PCM1: variants seen among roughly 807,000 people sequenced by gnomAD.
PCM1 encodes the protein pericentriolar material 1.
In PCM1, 157 loss-of-function variants were observed where a neutral mutation model predicts 241.9. That is an observed-to-expected ratio of 0.65 (90% CI 0.57 to 0.74). The LOEUF is 0.74. PCM1 is among the 30% of genes least tolerant of loss of function. The pLI, the probability that PCM1 is intolerant of heterozygous loss-of-function variation, is 0.00. For missense variants in PCM1, 3,478 were observed against 2,360.1 expected (o/e 1.47, Z -9.81); for synonymous variants, 1,085 against 784.9 (o/e 1.38, Z -6.39).
At chr8:18,000,861 G>A (rs2089141110) in intron 29 of PCM1, among the ~76,000 whole-genome samples, 1 of 152,074 alleles carries the variant, frequency 6.6e-6, no homozygotes, top group South Asian at 2.1e-4. Flanking sequence ...CACCCGCCTG[G>A]GCCTCCCAAA....
intron 36 of PCM1, chr8:18,025,038 C>T (rs1347984845): frequency 1.4e-5 from 3 of 210,862 alleles, no homozygotes; most frequent in Non-Finnish European, 9.3e-6. Flanking sequence ...GTACAGCTCT[C>T]GTGTTCAGTA....
intron 29 of PCM1, among the ~76,000 whole-genome samples, chr8:18,000,797 A>G (rs2089099663): frequency 6.6e-6 from 1 of 151,924 alleles, no homozygotes. Flanking sequence ...TGCTTTTTGT[A>G]TTTTTAGTAG....
intron 5 of PCM1, 54 bp downstream of exon 5, chr8:17,939,063 C>G: frequency 6.3e-7 from 1 of 1,576,434 alleles, no homozygotes; most frequent in Non-Finnish European, 8.7e-7. Context: ...AAAATACCAA[C>G]AGTAAGGTTT....
chr8:17,933,450 A>G (rs2059590374), intron 2 of PCM1, among the ~76,000 whole-genome samples: 1 of 152,216 alleles, frequency 6.6e-6, no homozygotes, highest in Non-Finnish European at 1.5e-5. Flanking sequence ...TATTTTGTCA[A>G]GTTCTAAGGA....
chr8:17,963,353 C>G (rs1319768420), intron 17 of PCM1, 62 bp downstream of exon 17: 1 of 1,250,222 alleles, frequency 8.0e-7, no homozygotes, highest in Non-Finnish European at 1.1e-6. Flanking sequence ...GACCTGTAGG[C>G]TAGGCAGCCA....
At chr8:17,937,850 C>T (rs956081969) in intron 4 of PCM1, among the ~76,000 whole-genome samples, 1 of 152,054 alleles carries the variant, frequency 6.6e-6, no homozygotes, top group Non-Finnish European at 1.5e-5. Context: ...ATATTTTACT[C>T]TTAGATCTAT....
intron 16 of PCM1, among the ~76,000 whole-genome samples, chr8:17,962,735 C>T (rs997022345): frequency 6.6e-6 from 1 of 151,808 alleles, no homozygotes; most frequent in African/African-American, 2.4e-5. Flanking sequence ...CCTATCTCTA[C>T]TAAAAAATAC....
At chr8:17,958,480 AAC>A (rs1286718984) in intron 13 of PCM1, among the ~76,000 whole-genome samples, 4 of 152,130 alleles carry the variant, frequency 2.6e-5, no homozygotes, top group African/African-American at 4.8e-5. Flanking sequence ...CATAACTATT[AAC>A]ACAAAATATG....
Position 17,952,992 on chromosome 8 carries a change from G to C in PCM1, c.1094G>C (p.Arg365Thr). The C allele has an allele frequency of 6.3e-7, 1 of 1,599,184 alleles. No individual in the cohort carries two copies. The highest frequency in any genetic ancestry group is 2.2e-5 in the East Asian group (1 of 44,598). ...AAGCCTCCAGCTGTTCCAGACAATA[G>C]AAGACAGGCAGAAAGTCTTTCATTA... ...DSQPPAVPDNRRQAESLSLTR... is the reference protein window; with the variant it reads ...DSQPPAVPDNTRQAESLSLTR... Residue 365 changes from arginine to threonine, a missense_variant, in exon 9 of 39, where the codon AGA becomes ACA. Transcript: ENST00000325083.
chr8:17,990,683 A>G (rs1368029726), intron 27 of PCM1, among the ~76,000 whole-genome samples: 1 of 152,118 alleles, frequency 6.6e-6, no homozygotes, highest in Non-Finnish European at 1.5e-5. Flanking sequence ...TTTGCCATCC[A>G]GGGTGCTTAG....
chr8:17,954,191 G>C (rs2067143142), intron 9 of PCM1, among the ~76,000 whole-genome samples: 1 of 152,176 alleles, frequency 6.6e-6, no homozygotes. Context: ...ACCTTGGGAG[G>C]CTGAGGCGGG....
At chr8:18,018,847 T>C (rs1290768908) in intron 36 of PCM1, among the ~76,000 whole-genome samples, 1 of 62,266 alleles carries the variant, frequency 1.6e-5, no homozygotes, top group African/African-American at 5.9e-5. Flanking sequence ...TATGTGTGTG[T>C]GTGTGTATAT....
At chr8:17,990,920 T>C (rs1466946322) in intron 27 of PCM1, among the ~76,000 whole-genome samples, 3 of 152,142 alleles carry the variant, frequency 2.0e-5, no homozygotes, top group African/African-American at 7.2e-5. Context: ...TGGGTCTGCA[T>C]TGAGTTCATC....
At position 17,960,079 on chromosome 8, in the gene PCM1, A is replaced by G. The variant is rs753243769; in HGVS notation, c.2106A>G (p.Ala702=). The change falls in exon 14 of 39, where the codon GCA becomes GCG. Residue 702 remains alanine (A), a synonymous_variant. Transcript: ENST00000325083. ...CAAATTTGGATGATTTCTACCCAGC[A>G]GAAGAAGACACCAAGCAAAATTCAA... is the stretch of plus-strand genomic sequence containing the variant. ...SASNLDDFYP[A]EEDTKQNSNN... 1.2e-6 allele frequency: 2 copies of G among 1,611,112 alleles called. No individual in the cohort carries two copies. The highest frequency in any genetic ancestry group is 1.3e-5 in the African/African-American group (1 of 74,912).
chr8:17,951,559 A>G (rs1194529405), intron 8 of PCM1, among the ~76,000 whole-genome samples: 1 of 152,226 alleles, frequency 6.6e-6, no homozygotes, highest in African/African-American at 2.4e-5. Context: ...ATAGAGTGAA[A>G]TTCTTTATAG....
rs372278630 is a variant in PCM1 at position 17,955,515 on chromosome 8, C to G, written c.1334C>G (p.Ser445Cys). Residue 445 changes from serine to cysteine, a missense_variant, in exon 10 of 39, where the codon TCT becomes TGT. Ser to Cys is a moderately radical substitution (Grantham distance 112). Coordinates refer to ENST00000325083, the MANE Select transcript of PCM1 (RefSeq NM_006197.4). The stretch of plus-strand genomic sequence containing the variant: ...GATCAGAGAAGTACTTCAGCTCCCT[C>G]TGCTTCTGTAGGCTTGGCACCGGTT... ...SVDQRSTSAP[S>C]ASVGLAPVVN... is the part of the protein sequence containing the mutation. 5.0e-6 allele frequency: 8 copies of G among 1,613,610 alleles called. No individual in the cohort carries two copies. In the African/African-American group the frequency reaches 6.7e-5, roughly 13 times the overall value.
intron 36 of PCM1, among the ~76,000 whole-genome samples, chr8:18,022,370 A>G (rs141072200): frequency 1.2e-3 from 189 of 152,312 alleles, no homozygotes; most frequent in African/African-American, 4.4e-3. Flanking sequence ...CAAACAGAAT[A>G]TCCTCTAAGG....
intron 36 of PCM1, among the ~76,000 whole-genome samples, chr8:18,017,998 C>T (rs1185579779): frequency 6.6e-6 from 1 of 152,212 alleles, no homozygotes; most frequent in Admixed American, 6.5e-5. Flanking sequence ...GTGGGAGTCA[C>T]GTACAGTGTT....
At chr8:17,942,801 C>T (rs1247413698) in intron 6 of PCM1, among the ~76,000 whole-genome samples, 1 of 152,082 alleles carries the variant, frequency 6.6e-6, no homozygotes, top group East Asian at 1.9e-4. Flanking sequence ...CGAGACCAGT[C>T]TGGCCAACAT....
Sources: gnomAD v4.1 joint callset for allele counts (sites outside exome capture counted in the v4.1 genomes callset) on GRCh38, gnomAD v4.1.1 for gene constraint, MANE v1.5 for transcripts, NCBI Gene and HGNC (gene_info 2026-07-23, HGNC 2026-07-21) for gene names.